ANKS1B: variants seen among roughly 807,000 people sequenced by gnomAD.
ANKS1B encodes ankyrin repeat and sterile alpha motif domain containing 1B, also known as ankyrin repeat and sterile alpha motif domain-containing protein 1B.
A neutral mutation model predicts 148.3 loss-of-function variants in ANKS1B; 36 were observed. The ratio of observed to expected loss-of-function variants is 0.24; its 90% CI spans 0.19 to 0.32. The LOEUF (loss-of-function observed/expected upper bound fraction) is 0.32. Ranked by LOEUF, ANKS1B falls within the 10% of genes least tolerant of loss-of-function variation. ANKS1B has a pLI of 1.00. For missense variants in ANKS1B, 1,157 were observed against 1,542.6 expected (o/e 0.75, Z 4.19); for synonymous variants, 542 against 560.8 (o/e 0.97, Z 0.47).
At chr12:99,619,780 C>T (rs1392048398) in intron 9 of ANKS1B, among the ~76,000 whole-genome samples, 1 of 152,146 alleles carries the variant, frequency 6.6e-6, no homozygotes, top group Non-Finnish European at 1.5e-5. Flanking sequence ...AGGAGGTTTC[C>T]CAACTCCACA....
At chr12:99,334,718 C>T (rs2088406280) in intron 12 of ANKS1B, among the ~76,000 whole-genome samples, 1 of 151,880 alleles carries the variant, frequency 6.6e-6, no homozygotes, top group Non-Finnish European at 1.5e-5. Context: ...TTTCCATTCT[C>T]CTCCCTTTAC....
intron 12 of ANKS1B, among the ~76,000 whole-genome samples, chr12:99,338,093 G>A (rs1164323280): frequency 6.6e-6 from 1 of 152,146 alleles, no homozygotes; most frequent in East Asian, 1.9e-4. Context: ...ATCCAGACAG[G>A]CTTGTGTACT....
At chr12:99,821,722 T>C (rs182373844) in intron 2 of ANKS1B, among the ~76,000 whole-genome samples, 45 of 152,158 alleles carry the variant, frequency 3.0e-4, no homozygotes, top group African/African-American at 8.4e-4. Flanking sequence ...GCCCATTAGA[T>C]GTAATAGAGT....
chr12:98,907,543 G>C (rs1288515885), intron 17 of ANKS1B, among the ~76,000 whole-genome samples: 2 of 152,168 alleles, frequency 1.3e-5, no homozygotes, highest in East Asian at 3.9e-4. Flanking sequence ...TTCAGTCCTT[G>C]ACCACTCTCT....
chr12:99,154,470 G>A, intron 14 of ANKS1B, 75 bp from the exon 15 acceptor site: 1 of 1,612,690 alleles, frequency 6.2e-7, no homozygotes, highest in Non-Finnish European at 8.5e-7. Flanking sequence ...GTCCTGGGCT[G>A]AGAGGTGGCA....
intron 15 of ANKS1B, among the ~76,000 whole-genome samples, chr12:99,092,362 C>T (rs73140935): frequency 0.033 from 4,989 of 149,256 alleles, 108 homozygotes; most frequent in Middle Eastern, 0.048. Context: ...TGGTACAGAC[C>T]AAGTGTTGCA....
intron 10 of ANKS1B, among the ~76,000 whole-genome samples, chr12:99,463,372 G>A (rs1015228820): frequency 1.3e-5 from 2 of 152,190 alleles, no homozygotes; most frequent in Non-Finnish European, 2.9e-5. Context: ...CGCAGAAGAC[G>A]GGTGATTTCT....
Position 98,787,695 on chromosome 12 carries a change from G to A in ANKS1B, c.3343-5558C>T, listed in dbSNP as rs549873422. On this transcript the variant is annotated intron_variant, in intron 22 of 26. Coordinates refer to ENST00000683438, the MANE Select transcript of ANKS1B (RefSeq NM_001352186.2). ...AGCACGTAGGGAGGCTGAGGTGGGC[G>A]GATTGCCTGAGCTCAGGAGTTCGAG... is the stretch of plus-strand genomic sequence containing the variant. 1.6e-3 allele frequency among the ~76,000 whole-genome samples: 243 copies of A among 152,104 alleles called. 1 individual carries two copies. Among genetic ancestry groups the A allele is most frequent in the African/African-American group, 4.8e-3 (201 of 41,498 alleles).
intron 14 of ANKS1B, among the ~76,000 whole-genome samples, chr12:99,185,143 C>T (rs1323382787): frequency 6.6e-6 from 1 of 152,142 alleles, no homozygotes; most frequent in Non-Finnish European, 1.5e-5. Flanking sequence ...ACCATAACAT[C>T]ACCAAGAATG....
chr12:98,797,791 TAA>T (rs2098963300), intron 22 of ANKS1B, among the ~76,000 whole-genome samples: 3 of 152,214 alleles, frequency 2.0e-5, no homozygotes, highest in Admixed American at 6.5e-5. Context: ...TGTTTCAGTG[TAA>T]TTATATGCTC....
intron 9 of ANKS1B, among the ~76,000 whole-genome samples, chr12:99,639,058 C>T (rs899654833): frequency 1.4e-5 from 2 of 144,508 alleles, no homozygotes; most frequent in African/African-American, 5.1e-5. Context: ...CAGAAGTTTG[C>T]TCTAGGGGCA....
At chr12:99,234,208 T>C (rs771673395) in intron 14 of ANKS1B, among the ~76,000 whole-genome samples, 2 of 152,116 alleles carry the variant, frequency 1.3e-5, no homozygotes, top group African/African-American at 4.8e-5. Flanking sequence ...TCATTTTAAA[T>C]TTACCTCCCA....
chr12:99,339,810 C>G lies in ANKS1B; in HGVS notation c.1756+59821G>C, dbSNP rs559735597. Among the ~76,000 whole-genome samples, 4 of 152,208 alleles carry G rather than the reference C, an allele frequency of 2.6e-5. No individual in the cohort carries two copies. The East Asian group carries it at 7.7e-4, about 29-fold the overall frequency. ...TGGCTTTTGACAGTAATCCTAGATC[C>G]AGTCTCCACTTTCGCACAAAACTTT... On this transcript the variant is annotated intron_variant, in intron 12 of 26. Transcript: ENST00000683438.
intron 17 of ANKS1B, among the ~76,000 whole-genome samples, chr12:99,017,167 G>C (rs1196550803): frequency 6.6e-6 from 1 of 152,202 alleles, no homozygotes; most frequent in African/African-American, 2.4e-5. Context: ...ATCTAACATA[G>C]TTGACTCCAT....
intron 14 of ANKS1B, among the ~76,000 whole-genome samples, chr12:99,189,194 G>C (rs1277609758): frequency 6.6e-6 from 1 of 152,052 alleles, no homozygotes; most frequent in African/African-American, 2.4e-5. Flanking sequence ...ATTGAGGCAG[G>C]AATGAATAGC....
At chr12:99,712,280 G>C (rs2056747482) in intron 8 of ANKS1B, among the ~76,000 whole-genome samples, 1 of 152,168 alleles carries the variant, frequency 6.6e-6, no homozygotes, top group South Asian at 2.1e-4. Context: ...TGGGGTTTAT[G>C]ATAGGCTGAA....
chr12:99,195,440 C>T (rs367597681), intron 14 of ANKS1B, among the ~76,000 whole-genome samples: 1 of 151,880 alleles, frequency 6.6e-6, no homozygotes, highest in Non-Finnish European at 1.5e-5. Context: ...AAAACACTTC[C>T]CAAAATGCAG....
At chr12:99,024,261 A>G (rs2153446827) in intron 17 of ANKS1B, among the ~76,000 whole-genome samples, 1 of 152,244 alleles carries the variant, frequency 6.6e-6, no homozygotes, top group East Asian at 1.9e-4. Flanking sequence ...TTTTTAAAGT[A>G]CCTATTTCTC....
intron 9 of ANKS1B, among the ~76,000 whole-genome samples, chr12:99,616,102 C>T (rs1014039051): frequency 6.6e-6 from 1 of 152,054 alleles, no homozygotes; most frequent in Non-Finnish European, 1.5e-5. Flanking sequence ...AGGACCTTTT[C>T]AAGGAGAACT....
Sources: allele counts gnomAD v4.1 joint callset (sites outside exome capture counted in the v4.1 genomes callset), GRCh38; gene constraint gnomAD v4.1.1; transcripts MANE v1.5; gene names NCBI Gene and HGNC (gene_info 2026-07-23, HGNC 2026-07-21).